Variants in PPARG observed in about 807,000 individuals in gnomAD.
PPARG encodes the protein peroxisome proliferator-activated receptor gamma.
Under a neutral mutation model 39.2 loss-of-function variants are expected in PPARG, and 17 were observed. The ratio of observed to expected loss-of-function variants is 0.43; its 90% CI spans 0.30 to 0.65. The LOEUF (loss-of-function observed/expected upper bound fraction) is 0.65, where lower values mean the gene tolerates loss of function less well. Among genes scored for constraint, PPARG ranks in the 30% least tolerant of loss-of-function variants. The probability of loss-of-function intolerance (pLI) is 0.13; values close to 1 mark genes in which losing one functional copy is unlikely to be tolerated. For missense variants in PPARG, 406 were observed against 585.9 expected (o/e 0.69, Z 3.17); for synonymous variants, 223 against 215.7 (o/e 1.03, Z -0.30).
Position 12,416,709 on chromosome 3 carries a change from C to T in PPARG, c.735C>T (p.Phe245=), listed in dbSNP as rs4135352. 1.9e-6 allele frequency: 3 copies of T among 1,613,242 alleles called. No homozygotes were observed. Among genetic ancestry groups the T allele is most frequent in the African/African-American group, 1.3e-5 (1 of 75,004 alleles). Residue 245 remains phenylalanine, a synonymous_variant, in exon 7 of 8, where the codon TTC becomes TTT. Transcript: ENST00000651735. The part of the protein sequence containing the change: ...LTGKTTDKSP[F]VIYDMNSLMM... ...TTTCCCTGTTTTATTTGCAGCCATT[C>T]GTTATCTATGACATGAATTCCTTAA...
chr3:12,307,907 T>A lies in PPARG; in HGVS notation c.-82-4473T>A, dbSNP rs183735048. Reference sequence around the variant, plus strand: ...TCAAGAGAGGAGTTGTGTTTAGAGATAGATTTGGGAGCTGTAAGCAAGTAG... The same window carrying A: ...TCAAGAGAGGAGTTGTGTTTAGAGAAAGATTTGGGAGCTGTAAGCAAGTAG... On this transcript the variant is annotated intron_variant, in intron 1 of 7. Coordinates refer to ENST00000651735, the MANE Select transcript of PPARG (RefSeq NM_138711.6). Among the ~76,000 whole-genome samples the A allele has an allele frequency of 5.4e-4, 82 of 152,172 alleles. 1 individual carries two copies. Among genetic ancestry groups the A allele is most frequent in the African/African-American group, 2.0e-3 (82 of 41,514 alleles).
At chr3:12,392,152 CAT>C (rs1329528252) in intron 4 of PPARG, among the ~76,000 whole-genome samples, 1 of 152,126 alleles carries the variant, frequency 6.6e-6, no homozygotes, top group East Asian at 1.9e-4. Flanking sequence ...AAATTATCCA[CAT>C]GTGGATTTTT....
intron 2 of PPARG, among the ~76,000 whole-genome samples, chr3:12,359,679 T>C (rs1203830170): frequency 6.8e-6 from 1 of 147,686 alleles, no homozygotes; most frequent in Non-Finnish European, 1.5e-5. Flanking sequence ...TATTTCTTTT[T>C]TTTTTTTTTT....
chr3:12,346,241 A>C (rs1483203913), intron 2 of PPARG, among the ~76,000 whole-genome samples: 1 of 152,086 alleles, frequency 6.6e-6, no homozygotes, highest in Admixed American at 6.6e-5. Context: ...ATCAGACACT[A>C]TTTTTTCAGA....
At position 12,297,689 on chromosome 3, in the gene PPARG, T is replaced by G. The variant is rs1044868349; in HGVS notation, c.-83+8555T>G. 3.9e-5 allele frequency among the ~76,000 whole-genome samples: 6 copies of G among 152,210 alleles called. No homozygotes were observed. In the East Asian group the frequency reaches 1.2e-3, roughly 29 times the overall value. ...TAATGTTCTCAGCCATACGTAAGGT[T>G]TAATTTTGTTGATTTGTTTGGGTCC... On this transcript the variant is annotated intron_variant, in intron 1 of 7. Coordinates refer to ENST00000651735, the MANE Select transcript of PPARG (RefSeq NM_138711.6).
intron 7 of PPARG, among the ~76,000 whole-genome samples, chr3:12,429,971 T>A (rs1274563745): frequency 6.6e-6 from 1 of 152,214 alleles, no homozygotes; most frequent in Non-Finnish European, 1.5e-5. Context: ...ATACTTACTC[T>A]GGTCAATGGG....
chr3:12,401,864 G>A (rs1018150908), intron 5 of PPARG, among the ~76,000 whole-genome samples: 45 of 152,196 alleles, frequency 3.0e-4, no homozygotes, highest in Middle Eastern at 6.8e-3. Context: ...GCCTTTGGGG[G>A]GAACTTCAAC....
chr3:12,356,678 T>C (rs752339232), intron 2 of PPARG, among the ~76,000 whole-genome samples: 1 of 152,240 alleles, frequency 6.6e-6, no homozygotes, highest in Non-Finnish European at 1.5e-5. Context: ...CAAGGCACCA[T>C]AGTGAATGCT....
chr3:12,328,325 G>A (rs113680562), intron 2 of PPARG: 46 of 911,416 alleles, frequency 5.0e-5, no homozygotes, highest in African/African-American at 3.3e-4. Context: ...ATTCCTGGTG[G>A]GGGCAGAGGA....
At chr3:12,421,328 T>TC in intron 7 of PPARG, among the ~76,000 whole-genome samples, 1 of 152,296 alleles carries the variant, frequency 6.6e-6, no homozygotes, top group East Asian at 1.9e-4. Flanking sequence ...TCCCTTGCAC[T>TC]CCCTAGTCTT....
intron 1 of PPARG, among the ~76,000 whole-genome samples, chr3:12,290,761 G>T (rs2046628419): frequency 6.6e-6 from 1 of 152,118 alleles, no homozygotes; most frequent in Non-Finnish European, 1.5e-5. Context: ...ATAATTATGT[G>T]CATGAAAGCT....
In PPARG at chr3:12,416,998, G is replaced by A. The variant is rs1273044250; in HGVS notation, c.1024G>A (p.Gly342Ser). The A allele has an allele frequency of 6.2e-7, 1 of 1,613,982 alleles. No homozygotes were observed. ...MNKDGVLISE[G>S]QGFMTREFLK... is the part of the protein sequence containing the mutation. ...TAAAGATGGGGTTCTCATATCCGAG[G>A]GCCAAGGCTTCATGACAAGGGAGTT... is the stretch of plus-strand genomic sequence containing the variant. The change falls in exon 7 of 8, where the codon GGC becomes AGC. Residue 342 changes from glycine (G) to serine (S), a missense_variant. Coordinates refer to ENST00000651735, the MANE Select transcript of PPARG (RefSeq NM_138711.6).
chr3:12,397,643 C>G (rs1361237672), intron 5 of PPARG, among the ~76,000 whole-genome samples: 1 of 151,938 alleles, frequency 6.6e-6, no homozygotes, highest in Non-Finnish European at 1.5e-5. Flanking sequence ...ATCTCCTGAC[C>G]TCATGATCTG....
intron 2 of PPARG, among the ~76,000 whole-genome samples, chr3:12,319,486 T>G (rs1216199021): frequency 6.6e-6 from 1 of 152,170 alleles, no homozygotes; most frequent in African/African-American, 2.4e-5. Flanking sequence ...TAAATACAAT[T>G]GACAAGACCT....
intron 5 of PPARG, among the ~76,000 whole-genome samples, chr3:12,401,982 T>C (rs2050492123): frequency 1.3e-5 from 2 of 152,332 alleles, no homozygotes; most frequent in Middle Eastern, 6.8e-3. Context: ...TGTTAGGTGA[T>C]AGAAAAGCAA....
rs567530895 is a variant in PPARG at position 12,306,870 on chromosome 3, T to G, written c.-82-5510T>G. Among the ~76,000 whole-genome samples the G allele has an allele frequency of 2.3e-4, 35 of 152,046 alleles. No individual in the cohort carries two copies. In the South Asian group the frequency reaches 7.1e-3, roughly 31 times the overall value. On this transcript the variant is annotated intron_variant, in intron 1 of 7. Coordinates refer to ENST00000651735, the MANE Select transcript of PPARG (RefSeq NM_138711.6). ...CCCCAGCACTTTGGGAGGCCGAGGC[T>G]GGTGGATCACGAGGTCAGGAGATCG...
intron 1 of PPARG, among the ~76,000 whole-genome samples, chr3:12,305,463 G>C (rs10510412): frequency 6.6e-6 from 1 of 151,974 alleles, no homozygotes; most frequent in Non-Finnish European, 1.5e-5. Context: ...TTTTGTAAGC[G>C]TAATGGCTTG....
intron 6 of PPARG, among the ~76,000 whole-genome samples, chr3:12,411,839 C>T (rs1364563318): frequency 1.3e-5 from 2 of 151,840 alleles, no homozygotes; most frequent in Non-Finnish European, 1.5e-5. Context: ...TGTAGCTAAC[C>T]GAGGAGAACC....
chr3:12,301,171 G>C (rs180745681), intron 1 of PPARG, among the ~76,000 whole-genome samples: 2 of 152,208 alleles, frequency 1.3e-5, no homozygotes, highest in South Asian at 4.1e-4. Context: ...GTTGGACCTC[G>C]TAGTTGTTCT....
Sources: allele counts gnomAD v4.1 joint callset (sites outside exome capture counted in the v4.1 genomes callset), GRCh38; gene constraint gnomAD v4.1.1; transcripts MANE v1.5; gene names NCBI Gene and HGNC (gene_info 2026-07-23, HGNC 2026-07-21).